The following FA2H variants were observed in gnomAD, a reference collection of about 807,000 sequenced individuals.
FA2H encodes fatty acid alpha-hydroxylase.
FA2H carries 22 observed loss-of-function variants against 44.9 expected under a neutral mutation model. The observed-to-expected ratio is 0.49, with a 90% CI of 0.35 to 0.70. FA2H has a LOEUF of 0.70. Among genes scored for constraint, FA2H ranks in the 30% least tolerant of loss-of-function variants. FA2H has a pLI of 0.01. For synonymous variants in FA2H, 243 were observed against 213.2 expected, an observed-to-expected ratio of 1.14 and a Z score of -1.22; for missense variants, 501 against 504.9, an observed-to-expected ratio of 0.99 and a Z score of 0.07.
Position 74,713,953 on chromosome 16 carries a change from A to G in FA2H, c.*237T>C. 2 of 557,248 alleles carry G rather than the reference A, an allele frequency of 3.6e-6. No individual in the cohort carries two copies. The highest frequency in any genetic ancestry group is 6.5e-6 in the Non-Finnish European group (2 of 309,754). 34.5% of individuals were successfully genotyped at this position (557,248 alleles called of 1,614,324 possible). A position where few individuals can be genotyped will look rare whatever the true frequency, so the allele number is the denominator to read the frequency against. The stretch of plus-strand genomic sequence containing the variant: ...GCTGAGCTCTAGGCAGGGACGCTCC[A>G]GGAAGAAGTGGGTCACCAAGGGCCA... On this transcript the variant is annotated 3_prime_UTR_variant, in exon 7 of 7. Coordinates refer to ENST00000219368, the MANE Select transcript of FA2H (RefSeq NM_024306.5).
At chr16:74,746,701 ATGCCCTGTCCAC>A (rs1962431296) in intron 1 of FA2H, among the ~76,000 whole-genome samples, 2 of 152,148 alleles carry the variant, frequency 1.3e-5, no homozygotes, top group African/African-American at 4.8e-5. Context: ...GCTCCCTGGG[ATGCCCTGTCCAC>A]TGAGAAGGAT....
chr16:74,735,630 G>A (rs1291564846), intron 2 of FA2H, among the ~76,000 whole-genome samples: 1 of 152,190 alleles, frequency 6.6e-6, no homozygotes, highest in Admixed American at 6.5e-5. Flanking sequence ...ACCAGGTAGG[G>A]TGGTCTTTCC....
chr16:74,745,799 A>AT lies in FA2H; in HGVS notation c.271-5685dup, dbSNP rs11365398. Among the ~76,000 whole-genome samples, 686 of 72,152 alleles carry AT rather than the reference A, an allele frequency of 9.5e-3. 12 individuals carry two copies. Among genetic ancestry groups the AT allele is most frequent in the African/African-American group, 0.024 (471 of 19,914 alleles). 47.3% of individuals were successfully genotyped at this position (72,152 alleles called of 152,430 possible). Reference sequence around the variant, plus strand: ...GATGGTATCGAGTCACTGTCAATGGATTTTTTTTTTTTTTTTTTTTTTTTG... The same window carrying AT: ...GATGGTATCGAGTCACTGTCAATGGATTTTTTTTTTTTTTTTTTTTTTTTTG... On this transcript the variant is annotated intron_variant, in intron 1 of 6. Coordinates refer to ENST00000219368, the MANE Select transcript of FA2H (RefSeq NM_024306.5).
chr16:74,754,633 TC>T (rs1213392274), intron 1 of FA2H, among the ~76,000 whole-genome samples: 1 of 151,900 alleles, frequency 6.6e-6, no homozygotes, highest in Admixed American at 6.6e-5. Flanking sequence ...GCTCAAGTGA[TC>T]CTCCCACCTT....
intron 1 of FA2H, among the ~76,000 whole-genome samples, chr16:74,766,808 T>C (rs529342268): frequency 1.3e-3 from 193 of 152,226 alleles, no homozygotes; most frequent in Non-Finnish European, 2.2e-3. Flanking sequence ...CCAGACATAA[T>C]ACTGAGTGAA....
intron 1 of FA2H, among the ~76,000 whole-genome samples, chr16:74,745,600 A>G: frequency 6.6e-6 from 1 of 152,184 alleles, no homozygotes; most frequent in East Asian, 1.9e-4. Flanking sequence ...GTGCCGGGCA[A>G]TGGAGGGTAG....
chr16:74,728,446 T>C (rs1962001287), intron 2 of FA2H, among the ~76,000 whole-genome samples: 1 of 151,960 alleles, frequency 6.6e-6, no homozygotes, highest in Admixed American at 6.6e-5. Context: ...TTGGAGTTCA[T>C]CAACATGGGG....
chr16:74,753,456 T>C (rs11149764), intron 1 of FA2H, among the ~76,000 whole-genome samples: 110,138 of 152,098 alleles, frequency 0.72, 40,240 homozygotes, highest in Middle Eastern at 0.8. Flanking sequence ...CCGAGGCGGA[T>C]GGATCATGAG....
intron 2 of FA2H, among the ~76,000 whole-genome samples, chr16:74,739,060 ACAGT>A (rs1444209126): frequency 6.6e-6 from 1 of 152,192 alleles, no homozygotes; most frequent in African/African-American, 2.4e-5. Context: ...GGCCCAGCAG[ACAGT>A]CAGCTTTGTG....
At chr16:74,746,455 C>T (rs1388703856) in intron 1 of FA2H, among the ~76,000 whole-genome samples, 2 of 151,566 alleles carry the variant, frequency 1.3e-5, no homozygotes, top group East Asian at 3.9e-4. Flanking sequence ...AAATCCTGGC[C>T]TCAGGTGATC....
rs139768499 is a variant in FA2H at position 74,769,492 on chromosome 16, T to A, written c.270+4994A>T. Among the ~76,000 whole-genome samples the A allele has an allele frequency of 2.6e-5, 4 of 152,272 alleles. No individual in the cohort carries two copies. In the East Asian group the frequency reaches 7.7e-4, roughly 29 times the overall value. The stretch of plus-strand genomic sequence containing the variant: ...AAAATAAAGTGGGTCAATTTAAAGA[T>A]AAATATTACATTATGACAGTTCAAG... On this transcript the variant is annotated intron_variant, in intron 1 of 6. Coordinates refer to ENST00000219368, the MANE Select transcript of FA2H (RefSeq NM_024306.5).
intron 1 of FA2H, among the ~76,000 whole-genome samples, chr16:74,766,287 C>G (rs1368516935): frequency 6.7e-6 from 1 of 148,298 alleles, no homozygotes; most frequent in Non-Finnish European, 1.5e-5. Context: ...GCCGGGGGAA[C>G]ACAGCAAGAC....
chr16:74,760,666 T>A (rs78966342), intron 1 of FA2H, among the ~76,000 whole-genome samples: 3,417 of 152,228 alleles, frequency 0.022, 132 homozygotes, highest in African/African-American at 0.079. Flanking sequence ...GTTTATGAAG[T>A]CTAGAAAGCA....
chr16:74,714,338 G>C, intron 6 of FA2H, 69 bp from the exon 7 acceptor site: 1 of 1,004,112 alleles, frequency 1.0e-6, no homozygotes, highest in South Asian at 1.4e-5. Context: ...CTTGGGAAGG[G>C]TGCCAGGGTA....
intron 2 of FA2H, among the ~76,000 whole-genome samples, chr16:74,738,751 C>T (rs548889161): frequency 6.6e-6 from 1 of 151,224 alleles, no homozygotes; most frequent in African/African-American, 2.4e-5. Context: ...CCGATCTCCC[C>T]CTGTTCCAGA....
chr16:74,764,466 G>T (rs1201706215), intron 1 of FA2H, among the ~76,000 whole-genome samples: 10 of 152,172 alleles, frequency 6.6e-5, no homozygotes, highest in African/African-American at 2.4e-4. Flanking sequence ...ACTAAGTCAG[G>T]AACAGAAACC....
At chr16:74,732,157 T>A (rs917868566) in intron 2 of FA2H, among the ~76,000 whole-genome samples, 2 of 152,214 alleles carry the variant, frequency 1.3e-5, no homozygotes, top group African/African-American at 4.8e-5. Flanking sequence ...GTGCTGGGCT[T>A]ATGAGCATGA....
At chr16:74,735,425 G>T (rs948593329) in intron 2 of FA2H, among the ~76,000 whole-genome samples, 2 of 152,208 alleles carry the variant, frequency 1.3e-5, no homozygotes, top group African/African-American at 4.8e-5. Flanking sequence ...GTCACCCAGG[G>T]GATGTGAGGA....
intron 1 of FA2H, among the ~76,000 whole-genome samples, chr16:74,766,163 G>C (rs1962805436): frequency 6.6e-6 from 1 of 152,148 alleles, no homozygotes; most frequent in Non-Finnish European, 1.5e-5. Context: ...GCTGGGCATA[G>C]TGGTGGGCAC....
Sources: gnomAD v4.1 joint callset for allele counts (sites outside exome capture counted in the v4.1 genomes callset) on GRCh38, gnomAD v4.1.1 for gene constraint, MANE v1.5 for transcripts, NCBI Gene and HGNC (gene_info 2026-07-23, HGNC 2026-07-21) for gene names.